DIAPH3: variants seen among roughly 807,000 people sequenced by gnomAD.
DIAPH3 encodes the protein protein diaphanous homolog 3.
A neutral mutation model predicts 144.3 loss-of-function variants in DIAPH3; 117 were observed. The ratio of observed to expected loss-of-function variants is 0.81; its 90% CI spans 0.70 to 0.95. The LOEUF (loss-of-function observed/expected upper bound fraction) is 0.95, where lower values mean the gene tolerates loss of function less well. Ranked by LOEUF, DIAPH3 falls within the 40% of genes least tolerant of loss-of-function variation. The pLI is 0.00. For missense variants in DIAPH3, 1,421 were observed against 1,412.7 expected, an observed-to-expected ratio of 1.01 and a Z score of -0.09; for synonymous variants, 519 against 488.9, an observed-to-expected ratio of 1.06 and a Z score of -0.81.
chr13:60,029,963 C>T (rs1158072541), intron 5 of DIAPH3, among the ~76,000 whole-genome samples: 1 of 152,046 alleles, frequency 6.6e-6, no homozygotes, highest in African/African-American at 2.4e-5. Flanking sequence ...TTTTGGATTC[C>T]ACCATCCTCT....
At chr13:60,094,417 C>T (rs1181574874) in intron 3 of DIAPH3, among the ~76,000 whole-genome samples, 3 of 152,074 alleles carry the variant, frequency 2.0e-5, no homozygotes, top group Non-Finnish European at 4.4e-5. Context: ...AAATTCAAGT[C>T]AGGTATATAT....
At chr13:60,084,007 CAGAT>C (rs71089524) in intron 4 of DIAPH3, among the ~76,000 whole-genome samples, 31,042 of 136,070 alleles carry the variant, frequency 0.23, 3,697 homozygotes, top group East Asian at 0.4. Flanking sequence ...GATAGATAGA[CAGAT>C]AGATAGATAG....
At chr13:59,871,586 T>C (rs1209493191) in intron 21 of DIAPH3, among the ~76,000 whole-genome samples, 1 of 152,206 alleles carries the variant, frequency 6.6e-6, no homozygotes, top group African/African-American at 2.4e-5. Context: ...TAGATTACAT[T>C]AATGGATTTT....
intron 18 of DIAPH3, among the ~76,000 whole-genome samples, chr13:59,924,172 G>A (rs2047649070): frequency 6.6e-6 from 1 of 152,044 alleles, no homozygotes; most frequent in Non-Finnish European, 1.5e-5. Flanking sequence ...AATGAGTTAA[G>A]AGCAAAACTA....
At chr13:59,980,720 G>T in intron 14 of DIAPH3, 75 bp downstream of exon 14, 1 of 1,330,404 alleles carries the variant, frequency 7.5e-7, no homozygotes, top group Non-Finnish European at 1.1e-6. Flanking sequence ...CGAATAACAA[G>T]CAAATTCCCT....
chr13:59,882,219 G>A (rs1052621568), intron 20 of DIAPH3, among the ~76,000 whole-genome samples: 3 of 152,188 alleles, frequency 2.0e-5, no homozygotes, highest in Middle Eastern at 3.4e-3. Flanking sequence ...CTCTTGAGTG[G>A]CTGGGATTAC....
At chr13:60,106,152 C>T (rs1340675646) in intron 3 of DIAPH3, among the ~76,000 whole-genome samples, 1 of 152,044 alleles carries the variant, frequency 6.6e-6, no homozygotes, top group African/African-American at 2.4e-5. Flanking sequence ...CTTCTTTTCT[C>T]CTCTGGAAAA....
rs886661073 is a variant in DIAPH3 at position 59,969,499 on chromosome 13, A to C, written c.2074+445T>G. On this transcript the variant is annotated intron_variant, in intron 17 of 27. Coordinates refer to ENST00000400324, the MANE Select transcript of DIAPH3 (RefSeq NM_001042517.2). ...TGCTGCACCCATCAACCCGTCATCT[A>C]CGTTGGGTATTTCTCCTAATGCTAT... Among the ~76,000 whole-genome samples the C allele has an allele frequency of 2.0e-5, 3 of 152,148 alleles. No homozygotes were observed. In the East Asian group the frequency reaches 5.8e-4, roughly 29 times the overall value.
chr13:59,730,660 T>C (rs2645042), intron 27 of DIAPH3, among the ~76,000 whole-genome samples: 99,769 of 152,052 alleles, frequency 0.66, 33,189 homozygotes, highest in East Asian at 0.72. Flanking sequence ...ATGTGAGTTC[T>C]GGAACCTGAC....
At chr13:60,138,448 T>C (rs753745296) in intron 1 of DIAPH3, among the ~76,000 whole-genome samples, 16 of 152,168 alleles carry the variant, frequency 1.1e-4, no homozygotes, top group African/African-American at 3.1e-4. Flanking sequence ...ATGAAGGGTA[T>C]AGATAAGAAG....
At chr13:59,804,161 C>T (rs1566334597) in intron 25 of DIAPH3, among the ~76,000 whole-genome samples, 1 of 152,202 alleles carries the variant, frequency 6.6e-6, no homozygotes, top group East Asian at 1.9e-4. Flanking sequence ...AGAATCCCTC[C>T]TTTGACTGTG....
intron 4 of DIAPH3, among the ~76,000 whole-genome samples, chr13:60,053,105 G>A (rs778948924): frequency 9.2e-5 from 14 of 151,422 alleles, no homozygotes; most frequent in Non-Finnish European, 1.8e-4. Flanking sequence ...TCCAAACACA[G>A]GTATAGAAAA....
chr13:59,801,590 A>G lies in DIAPH3; in HGVS notation c.3163+9198T>C, dbSNP rs147322184. Among the ~76,000 whole-genome samples the G allele has an allele frequency of 3.0e-3, 463 of 152,326 alleles. 2 individuals are homozygous for G. The highest frequency in any genetic ancestry group is 0.011 in the African/African-American group (440 of 41,580). On this transcript the variant is annotated intron_variant, in intron 25 of 27. Transcript: ENST00000400324. ...GATGGCAATTCACTCTAGTCAGGCA[A>G]TGGTCTCCAAGAATTGCTTGCTCTA...
intron 21 of DIAPH3, among the ~76,000 whole-genome samples, chr13:59,874,630 T>C (rs1421790527): frequency 2.0e-5 from 3 of 152,270 alleles, no homozygotes; most frequent in South Asian, 4.1e-4. Context: ...TCTACTGCCA[T>C]AGAAAACAGA....
At chr13:59,699,610 A>G (rs990338080) in intron 27 of DIAPH3, among the ~76,000 whole-genome samples, 5 of 152,230 alleles carry the variant, frequency 3.3e-5, no homozygotes, top group Non-Finnish European at 7.3e-5. Context: ...AATTCACTCC[A>G]TCTTAATTTA....
chr13:59,915,310 C>CACATATAATGGGGGAAACTTTCATT (rs898695441), intron 19 of DIAPH3, among the ~76,000 whole-genome samples: 2 of 151,974 alleles, frequency 1.3e-5, no homozygotes, highest in Non-Finnish European at 2.9e-5. Flanking sequence ...ATTATATGAC[C>CACATATAATGGGGGAAACTTTCATT]ACTACATTTA....
At chr13:60,077,158 C>G (rs2057406271) in intron 4 of DIAPH3, among the ~76,000 whole-genome samples, 1 of 151,760 alleles carries the variant, frequency 6.6e-6, no homozygotes, top group African/African-American at 2.4e-5. Context: ...CTTAGAATTT[C>G]TAATCATTTT....
intron 12 of DIAPH3, 92 bp from the exon 13 acceptor site, chr13:59,983,979 C>A: frequency 1.2e-6 from 1 of 805,104 alleles, no homozygotes; most frequent in Non-Finnish European, 2.1e-6. Context: ...ATTTCAAGTT[C>A]AACAATTTAT....
chr13:59,978,002 G>A (rs1175339539), intron 14 of DIAPH3, among the ~76,000 whole-genome samples: 3 of 151,596 alleles, frequency 2.0e-5, no homozygotes, highest in African/African-American at 7.3e-5. Flanking sequence ...TCACTTCCTT[G>A]GAGAAGGCTT....
Sources: gnomAD v4.1 joint callset for allele counts (sites outside exome capture counted in the v4.1 genomes callset) on GRCh38, gnomAD v4.1.1 for gene constraint, MANE v1.5 for transcripts, NCBI Gene and HGNC (gene_info 2026-07-23, HGNC 2026-07-21) for gene names.